The following LRRC37A2 variants were observed in gnomAD, a reference collection of about 807,000 sequenced individuals.
LRRC37A2 encodes leucine rich repeat containing 37 member A2.
A neutral mutation model predicts 68.8 loss-of-function variants in LRRC37A2; 9 were observed. The ratio of observed to expected loss-of-function variants is 0.13; its 90% CI spans 0.08 to 0.23. LRRC37A2 has a LOEUF of 0.23. LRRC37A2 is among the 10% of genes least tolerant of loss of function. LRRC37A2 has a pLI of 1.00. For missense variants in LRRC37A2, 168 were observed against 950.4 expected (o/e 0.18, Z 10.82); for synonymous variants, 63 against 367.6 (o/e 0.17, Z 9.48).
chr17:46,558,186 A>T (rs2057387072), downstream of LRRC37A2, among the ~76,000 whole-genome samples: 1 of 108,314 alleles, frequency 9.2e-6, no homozygotes, highest in Non-Finnish European at 1.8e-5. Context: ...CAGCCTCCCT[A>T]GTAGCTGGGG....
the LRRC37A2 span, among the ~76,000 whole-genome samples, chr17:47,029,686 C>T: frequency 6.6e-6 from 1 of 152,170 alleles, no homozygotes; most frequent in South Asian, 2.1e-4. Context: ...CTCATTAGGT[C>T]CCTCCACGAA....
At chr17:46,532,143 C>T (rs1482040116) in intron 6 of LRRC37A2, among the ~76,000 whole-genome samples, 1 of 149,648 alleles carries the variant, frequency 6.7e-6, no homozygotes, top group Non-Finnish European at 1.5e-5. Flanking sequence ...AGATGATCCA[C>T]CTGCTTCAGC....
chr17:46,829,438 G>A, the LRRC37A2 span, among the ~76,000 whole-genome samples: 1 of 152,204 alleles, frequency 6.6e-6, no homozygotes, highest in African/African-American at 2.4e-5. Context: ...CCAAAGTGCT[G>A]GGATTACTGT....
chr17:46,583,242 G>A, the LRRC37A2 span, among the ~76,000 whole-genome samples: 2 of 70,510 alleles, frequency 2.8e-5, 1 homozygote, highest in African/African-American at 8.0e-5. Context: ...GAGATTACAG[G>A]TGTGAGTCAC....
At position 46,529,073 on chromosome 17, in the gene LRRC37A2, T is replaced by C. The variant is rs2053249540; in HGVS notation, c.2906+5189T>C. Among the ~76,000 whole-genome samples, 4 of 115,374 alleles carry C rather than the reference T, an allele frequency of 3.5e-5. No individual in the cohort carries two copies. The South Asian group carries it at 1.1e-3, about 33-fold the overall frequency. The allele number at this position is 115,374 out of a possible 152,430, so 75.7% of individuals were successfully genotyped here. ...CTTTGGACATTTTTTCAGCTAGAGC[T>C]GTTAGGATTTCAGTACATTTAAGAC... On this transcript the variant is annotated intron_variant, in intron 6 of 14. Transcript: ENST00000576629.
the LRRC37A2 span, among the ~76,000 whole-genome samples, chr17:46,820,421 C>CAGA: frequency 6.6e-6 from 1 of 151,588 alleles, no homozygotes; most frequent in Admixed American, 6.6e-5. Flanking sequence ...GACGCTGAGA[C>CAGA]AGAAACCAAG....
the LRRC37A2 span, among the ~76,000 whole-genome samples, chr17:46,676,463 C>T: frequency 7.1e-6 from 1 of 140,478 alleles, no homozygotes; most frequent in South Asian, 2.2e-4. Context: ...AGCTCCCAGC[C>T]TCAGGTGATC....
the LRRC37A2 span, among the ~76,000 whole-genome samples, chr17:47,000,063 T>TAAAATATAAAATAAAATA: frequency 3.4e-4 from 6 of 17,722 alleles, 1 homozygote; most frequent in Admixed American, 3.7e-3. Context: ...TAAAATAAAA[T>TAAAATATAAAATAAAATA]TAAAATAAAA....
the LRRC37A2 span, among the ~76,000 whole-genome samples, chr17:46,806,303 C>T: frequency 1.4e-5 from 2 of 146,942 alleles, no homozygotes; most frequent in Non-Finnish European, 3.0e-5. Context: ...CTTCAGCCCT[C>T]GGTTGAAGCG....
chr17:46,631,036 C>T, the LRRC37A2 span, among the ~76,000 whole-genome samples: 1 of 139,938 alleles, frequency 7.1e-6, no homozygotes, highest in African/African-American at 3.0e-5. Context: ...CCCTGTCTTC[C>T]TCTCTGGGTC....
At chr17:46,878,087 C>A in the LRRC37A2 span, among the ~76,000 whole-genome samples, 1 of 152,214 alleles carries the variant, frequency 6.6e-6, no homozygotes, top group East Asian at 1.9e-4. Flanking sequence ...GTTGCACATG[C>A]CTCTCTTGTT....
chr17:46,534,094 G>T (rs2054165857), intron 6 of LRRC37A2, among the ~76,000 whole-genome samples: 1 of 140,422 alleles, frequency 7.1e-6, no homozygotes, highest in African/African-American at 2.9e-5. Context: ...CAACGTTGCA[G>T]CCTCCACCTC....
chr17:46,784,596 G>A, the LRRC37A2 span, among the ~76,000 whole-genome samples: 1 of 152,080 alleles, frequency 6.6e-6, no homozygotes, highest in African/African-American at 2.4e-5. Flanking sequence ...CTAGGAGGCT[G>A]GAAAGGTGGG....
chr17:47,002,275 G>C, the LRRC37A2 span, among the ~76,000 whole-genome samples: 2 of 152,144 alleles, frequency 1.3e-5, no homozygotes, highest in Non-Finnish European at 2.9e-5. Context: ...TTTTGATACA[G>C]GAATGCAATG....
At chr17:46,819,694 G>T in the LRRC37A2 span, among the ~76,000 whole-genome samples, 1 of 152,212 alleles carries the variant, frequency 6.6e-6, no homozygotes, top group Non-Finnish European at 1.5e-5. The surrounding 1 kb of genome is among the most constrained non-coding windows in gnomAD (Gnocchi z 5.3). Context: ...CTGGGGTTTG[G>T]CGATAAAGGC....
the LRRC37A2 span, among the ~76,000 whole-genome samples, chr17:46,962,153 C>A: frequency 6.6e-6 from 1 of 152,044 alleles, no homozygotes; most frequent in African/African-American, 2.4e-5. Context: ...TGGTGAAACC[C>A]TGTCTCTACT....
chr17:46,974,546 A>G, the LRRC37A2 span, among the ~76,000 whole-genome samples: 1 of 152,130 alleles, frequency 6.6e-6, no homozygotes, highest in Non-Finnish European at 1.5e-5. Context: ...CATCCTGGCT[A>G]ACACGGTGAA....
chr17:46,877,853 G>A, the LRRC37A2 span, among the ~76,000 whole-genome samples: 1 of 152,206 alleles, frequency 6.6e-6, no homozygotes, highest in Admixed American at 6.5e-5. Context: ...TTGAGTCCTT[G>A]CTAAGCCTGG....
At chr17:46,825,471 A>G in the LRRC37A2 span, among the ~76,000 whole-genome samples, 13 of 152,382 alleles carry the variant, frequency 8.5e-5, no homozygotes, top group African/African-American at 3.1e-4. Flanking sequence ...ACAAGGCTCC[A>G]CGAGGAATGG....
Sources: gnomAD v4.1 joint callset for allele counts (sites outside exome capture counted in the v4.1 genomes callset) on GRCh38, gnomAD v4.1.1 for gene constraint, Gnocchi (gnomAD v3.1) non-coding constraint, MANE v1.5 for transcripts, NCBI Gene and HGNC (gene_info 2026-07-23, HGNC 2026-07-21) for gene names.